VPS13C: variants seen among roughly 807,000 people sequenced by gnomAD.
The protein encoded by VPS13C is vacuolar protein sorting 13 homolog C, also known as intermembrane lipid transfer protein VPS13C.
A neutral mutation model predicts 456.8 loss-of-function variants in VPS13C; 358 were observed. The ratio of observed to expected loss-of-function variants is 0.78; its 90% CI spans 0.72 to 0.86. VPS13C has a LOEUF of 0.86. Ranked by LOEUF, VPS13C falls within the 40% of genes least tolerant of loss-of-function variation. The probability of loss-of-function intolerance (pLI) is 0.00; values close to 1 mark genes in which losing one functional copy is unlikely to be tolerated. For synonymous variants in VPS13C, 1,578 were observed against 1,486.7 expected (o/e 1.06, Z -1.41); for missense variants, 4,818 against 4,385.4 (o/e 1.10, Z -2.79).
intron 3 of VPS13C, among the ~76,000 whole-genome samples, chr15:62,040,173 T>G (rs1315831591): frequency 6.6e-6 from 1 of 152,014 alleles, no homozygotes; most frequent in African/African-American, 2.4e-5. Context: ...ACTGAACTCA[T>G]GGAGACAGAG....
intron 16 of VPS13C, among the ~76,000 whole-genome samples, chr15:61,997,051 T>G (rs1214742792): frequency 2.7e-5 from 4 of 150,298 alleles, no homozygotes; most frequent in Non-Finnish European, 5.9e-5. Context: ...TAATCAAGAG[T>G]GCAAAAGAAG....
At chr15:62,053,911 T>C (rs546054514) in intron 1 of VPS13C, among the ~76,000 whole-genome samples, 2 of 152,206 alleles carry the variant, frequency 1.3e-5, no homozygotes, top group Admixed American at 6.5e-5. Context: ...ACTTGGCTTC[T>C]ATTCCTGGTC....
At chr15:61,888,629 T>C (rs995823570) in intron 67 of VPS13C, among the ~76,000 whole-genome samples, 5 of 152,064 alleles carry the variant, frequency 3.3e-5, no homozygotes, top group African/African-American at 1.2e-4. Flanking sequence ...TGATTCCAAC[T>C]ATATGAAATT....
At chr15:61,925,763 G>T (rs118100937) in intron 52 of VPS13C, among the ~76,000 whole-genome samples, 1 of 152,176 alleles carries the variant, frequency 6.6e-6, no homozygotes, top group Non-Finnish European at 1.5e-5. Context: ...ACTTTAAGCC[G>T]TTCTGATGAA....
chr15:61,886,392 C>T (rs541097506), intron 67 of VPS13C, among the ~76,000 whole-genome samples: 12 of 152,084 alleles, frequency 7.9e-5, no homozygotes, highest in Admixed American at 7.2e-4. Flanking sequence ...TAAAATGATG[C>T]TTTTTTTAAT....
At position 61,984,887 on chromosome 15, in the gene VPS13C, A is replaced by G. The variant is rs1321942567; in HGVS notation, c.1691T>C (p.Val564Ala). The G allele has an allele frequency of 1.2e-6, 2 of 1,613,342 alleles. No individual in the cohort carries two copies. Among genetic ancestry groups the G allele is most frequent in the Non-Finnish European group, 1.7e-6 (2 of 1,179,802 alleles). The change falls in exon 19 of 85, where the codon GTA becomes GCA. Residue 564 changes from valine (V) to alanine (A), a missense_variant. Physicochemically the swap from Val to Ala is moderately conservative, Grantham distance 64. Transcript: ENST00000644861. ...KIQIIGLGTQ[V>A]SQRPGAQALK... Reference sequence around the variant, plus strand: ...TGCTTGTGCTCCTGGTCGCTGAGATACTTGAGTGCCCAGGCCAATTATCTG... The same window carrying G: ...TGCTTGTGCTCCTGGTCGCTGAGATGCTTGAGTGCCCAGGCCAATTATCTG...
chr15:62,007,560 T>C (rs1449228700), intron 14 of VPS13C, 81 bp from the exon 15 acceptor site: 11 of 1,243,766 alleles, frequency 8.8e-6, no homozygotes, highest in Middle Eastern at 2.6e-4. Context: ...TTTTAGATCT[T>C]ATGCTGTCAA....
At position 62,010,409 on chromosome 15, in the gene VPS13C, C is replaced by G. The variant is rs896082626; in HGVS notation, c.1011+63G>C. ...CACCAACCACTAGAGAAGTAATAAT[C>G]ACAAATAAAAGCAGTCAAGATTCAA... is the stretch of plus-strand genomic sequence containing the variant. On this transcript the variant is annotated intron_variant, in intron 13 of 84. Coordinates refer to ENST00000644861, the MANE Select transcript of VPS13C (RefSeq NM_020821.3). 2.1e-6 allele frequency: 3 copies of G among 1,413,992 alleles called. No homozygotes were observed. In the African/African-American group the frequency reaches 4.4e-5, roughly 21 times the overall value. 87.6% of individuals were successfully genotyped at this position (1,413,992 alleles called of 1,614,324 possible). A position where few individuals can be genotyped will look rare whatever the true frequency, so the allele number is the denominator to read the frequency against.
intron 15 of VPS13C, among the ~76,000 whole-genome samples, chr15:62,003,000 C>A (rs373178005): frequency 1.3e-5 from 2 of 152,020 alleles, no homozygotes; most frequent in Non-Finnish European, 2.9e-5. Context: ...CTTGGCAATG[C>A]GGGCTCTTTT....
chr15:61,891,003 C>T (rs751822502), intron 66 of VPS13C, among the ~76,000 whole-genome samples: 12 of 152,100 alleles, frequency 7.9e-5, no homozygotes, highest in Non-Finnish European at 1.3e-4. Flanking sequence ...GCTGAGATAG[C>T]GTCATCGCAC....
chr15:61,947,097 C>A, intron 43 of VPS13C, 96 bp downstream of exon 43: 1 of 791,484 alleles, frequency 1.3e-6, no homozygotes, highest in South Asian at 2.1e-5. Flanking sequence ...ATAAGTAAAC[C>A]AAAAGAAAAC....
intron 8 of VPS13C, among the ~76,000 whole-genome samples, chr15:62,021,525 A>G (rs1012194448): frequency 1.3e-5 from 2 of 151,894 alleles, no homozygotes; most frequent in African/African-American, 4.8e-5. Flanking sequence ...CAGTATCACC[A>G]TTTTAGACAT....
At chr15:61,998,697 C>T (rs1423136629) in intron 16 of VPS13C, among the ~76,000 whole-genome samples, 1 of 152,196 alleles carries the variant, frequency 6.6e-6, no homozygotes, top group Non-Finnish European at 1.5e-5. Context: ...GCAAGCATAA[C>T]AGACACTCAG....
intron 51 of VPS13C, 107 bp from the exon 52 acceptor site, chr15:61,927,427 G>C: frequency 1.2e-6 from 1 of 806,544 alleles, no homozygotes; most frequent in South Asian, 1.8e-5. Flanking sequence ...TTCTATAACA[G>C]ATATGGTGAA....
intron 57 of VPS13C, 21 bp from the exon 58 acceptor site, chr15:61,919,470 A>C (rs2043579744): frequency 6.8e-7 from 1 of 1,472,580 alleles, no homozygotes; most frequent in African/African-American, 1.5e-5. Flanking sequence ...GCATAAGTGA[A>C]AAGAATTCCA....
intron 15 of VPS13C, 29 bp from the exon 16 acceptor site, chr15:62,000,655 A>T: frequency 6.4e-7 from 1 of 1,570,004 alleles, no homozygotes; most frequent in Non-Finnish European, 8.6e-7. Context: ...CTTATAAACA[A>T]GAAATTTAAT....
At chr15:61,977,026 G>A (rs747966145) in intron 24 of VPS13C, 56 bp downstream of exon 24, 27 of 1,236,198 alleles carry the variant, frequency 2.2e-5, no homozygotes, top group Admixed American at 1.8e-4. Context: ...TCTAGCAACT[G>A]ATGCAGACAT....
In VPS13C at chr15:61,919,272, T is replaced by C; in HGVS notation, c.7638+17A>G. 6.3e-7 allele frequency: 1 copy of C among 1,578,246 alleles called. No individual in the cohort carries two copies. Among genetic ancestry groups the C allele is most frequent in the Non-Finnish European group, 8.6e-7 (1 of 1,166,126 alleles). On this transcript the variant is annotated intron_variant, in intron 58 of 84. Coordinates refer to ENST00000644861, the MANE Select transcript of VPS13C (RefSeq NM_020821.3). The stretch of plus-strand genomic sequence containing the variant: ...CTTGGTACACTGAAAGGGATACAAT[T>C]AACTTTGAAGTATTACCTGTAGAGG...
intron 7 of VPS13C, 107 bp downstream of exon 7, chr15:62,023,673 T>G: frequency 1.6e-6 from 2 of 1,266,448 alleles, no homozygotes; most frequent in South Asian, 2.8e-5. Flanking sequence ...ACTTAAAACT[T>G]GTTTTTGAAT....
Sources: gnomAD v4.1 joint callset for allele counts (sites outside exome capture counted in the v4.1 genomes callset) on GRCh38, gnomAD v4.1.1 for gene constraint, MANE v1.5 for transcripts, NCBI Gene and HGNC (gene_info 2026-07-23, HGNC 2026-07-21) for gene names.